The following SAP30BP variants were observed in gnomAD, a reference collection of about 807,000 sequenced individuals.
SAP30BP encodes the protein SAP30 binding protein.
SAP30BP carries 31 observed loss-of-function variants against 46.3 expected under a neutral mutation model. The ratio of observed to expected loss-of-function variants is 0.67; its 90% CI spans 0.50 to 0.90. SAP30BP has a LOEUF of 0.90. Ranked by LOEUF, SAP30BP falls within the 40% of genes least tolerant of loss-of-function variation. The pLI is 0.00. For missense variants in SAP30BP, 312 were observed against 391.0 expected (o/e 0.80, Z 1.70); for synonymous variants, 169 against 144.2 (o/e 1.17, Z -1.23).
intron 8 of SAP30BP, 79 bp from the exon 9 acceptor site, chr17:75,704,677 A>G: frequency 9.4e-7 from 1 of 1,064,074 alleles, no homozygotes; most frequent in South Asian, 1.3e-5. Context: ...GCTGAAAAGA[A>G]CGCAGGGATC....
At chr17:75,672,605 A>G (rs560781270) in intron 3 of SAP30BP, among the ~76,000 whole-genome samples, 26 of 152,162 alleles carry the variant, frequency 1.7e-4, no homozygotes, top group Non-Finnish European at 3.7e-4. Flanking sequence ...ACCCCCAAAG[A>G]AAAAGACTTA....
At chr17:75,674,284 TTTTA>T (rs937645176) in intron 3 of SAP30BP, among the ~76,000 whole-genome samples, 7 of 152,118 alleles carry the variant, frequency 4.6e-5, no homozygotes, top group East Asian at 3.9e-4. Context: ...TACATTTTAT[TTTTA>T]TTTATTTATT....
At chr17:75,687,318 C>A (rs142294682) in intron 3 of SAP30BP, among the ~76,000 whole-genome samples, 2 of 152,162 alleles carry the variant, frequency 1.3e-5, no homozygotes, top group Non-Finnish European at 2.9e-5. Flanking sequence ...GCCCAGTGTT[C>A]GGAAAGAGGA....
At chr17:75,704,855 G>A in intron 9 of SAP30BP, 41 bp downstream of exon 9, 1 of 1,480,734 alleles carries the variant, frequency 6.8e-7, no homozygotes, top group Non-Finnish European at 9.4e-7. Flanking sequence ...AGGCACATGT[G>A]GAGTGCATGG....
At position 75,668,580 on chromosome 17, in the gene SAP30BP, T is replaced by G. The variant is rs937955163; in HGVS notation, c.171T>G (p.Asp57Glu). The change falls in exon 2 of 11, where the codon GAT (aspartate) becomes GAG (glutamate). Residue 57 changes from aspartate to glutamate, a missense_variant. Physicochemically the swap from Asp to Glu is conservative, Grantham distance 45. Around this residue, in one of 2 missense-constraint regions of SAP30BP, gnomAD observed 296 missense variants for 346.6 expected, o/e 0.85. Coordinates refer to ENST00000584667, the MANE Select transcript of SAP30BP (RefSeq NM_013260.8). ...GEDDFSRLGGDEDGYEEEEDE... is the reference protein window; with the variant it reads ...GEDDFSRLGGEEDGYEEEEDE... ...ATGACTTTTCTCGTCTAGGGGGTGATGAAGATGGTTATGAAGAAGAAGAAG... is the reference window on the plus strand; with the variant it reads ...ATGACTTTTCTCGTCTAGGGGGTGAGGAAGATGGTTATGAAGAAGAAGAAG... 1.2e-6 allele frequency: 2 copies of G among 1,607,654 alleles called. No homozygotes were observed. The highest frequency in any genetic ancestry group is 4.5e-5 in the East Asian group (2 of 44,646).
intron 3 of SAP30BP, among the ~76,000 whole-genome samples, chr17:75,674,554 C>G (rs2059954791): frequency 6.6e-6 from 1 of 152,072 alleles, no homozygotes; most frequent in Non-Finnish European, 1.5e-5. Context: ...CCTCTGCCTC[C>G]CAAAGTGCTG....
intron 3 of SAP30BP, among the ~76,000 whole-genome samples, chr17:75,687,917 G>GGGGTGT (rs557349211): frequency 8.9e-4 from 107 of 120,362 alleles, no homozygotes; most frequent in African/African-American, 1.9e-3. Context: ...CAGTGTTTGG[G>GGGGTGT]GTGTGTGTGT....
chr17:75,699,662 T>A, intron 4 of SAP30BP, 121 bp from the exon 5 acceptor site: 2 of 668,774 alleles, frequency 3.0e-6, no homozygotes. Context: ...AACACTCAGT[T>A]GTACTGTTTT....
chr17:75,682,567 T>C (rs1255384242), intron 3 of SAP30BP, among the ~76,000 whole-genome samples: 1 of 152,226 alleles, frequency 6.6e-6, no homozygotes, highest in Non-Finnish European at 1.5e-5. Context: ...TGCATCCAGC[T>C]TTGTCTCTAT....
In SAP30BP at chr17:75,706,199, G is replaced by A; in HGVS notation, c.745+107G>A. On this transcript the variant is annotated intron_variant, in intron 10 of 10. Coordinates refer to ENST00000584667, the MANE Select transcript of SAP30BP (RefSeq NM_013260.8). This position sits in a 1 kb window ranked among gnomAD's most constrained non-coding sequence, Gnocchi z 4.6. Reference sequence around the variant, plus strand: ...TGGATCTGGGCCTGGGCTCAGCCTTGCTACTTTGAGAAGCACCTTTGGAGT... The same window carrying A: ...TGGATCTGGGCCTGGGCTCAGCCTTACTACTTTGAGAAGCACCTTTGGAGT... 1.9e-6 allele frequency: 3 copies of A among 1,555,942 alleles called. 1 individual carries two copies. The highest frequency in any genetic ancestry group is 3.8e-5 in the Admixed American group (2 of 52,882).
At chr17:75,690,637 C>G (rs747499582) in intron 3 of SAP30BP, 24 of 455,572 alleles carry the variant, frequency 5.3e-5, no homozygotes, top group South Asian at 3.7e-4. Context: ...ACTTTAGGAT[C>G]CAGAGAACTT....
At chr17:75,699,262 GGCGTGATCTTGGCTC>G (rs2060369047) in intron 4 of SAP30BP, among the ~76,000 whole-genome samples, 1 of 151,994 alleles carries the variant, frequency 6.6e-6, no homozygotes, top group East Asian at 1.9e-4. Context: ...GGAGTATAGT[GGCGTGATCTTGGCTC>G]ACTGCAGCCA....
rs1323093719 is a variant in SAP30BP at position 75,687,949 on chromosome 17, TGTGTGTGA to T, written c.265-5489_265-5482del. Among the ~76,000 whole-genome samples the T allele has an allele frequency of 9.7e-4, 95 of 97,450 alleles. 3 individuals are homozygous for T. Among genetic ancestry groups the T allele is most frequent in the African/African-American group, 1.9e-3 (57 of 29,516 alleles). The allele number at this position is 97,450 out of a possible 152,430, so 63.9% of individuals were successfully genotyped here. ...GTGTGTGTGTGTGTGTGTGTGTGTG[TGTGTGTGA>T]GAGAGACAGAGAGAGGTCAGTGCTT... is the stretch of plus-strand genomic sequence containing the variant. On this transcript the variant is annotated intron_variant, in intron 3 of 10. Transcript: ENST00000584667.
chr17:75,671,779 C>G, intron 2 of SAP30BP, 37 bp from the exon 3 acceptor site: 1 of 1,577,390 alleles, frequency 6.3e-7, no homozygotes, highest in Non-Finnish European at 8.7e-7. Flanking sequence ...CAGGCCCGCT[C>G]CTTTAAGCTT....
chr17:75,700,041 C>T (rs2060383791), intron 5 of SAP30BP, 170 bp downstream of exon 5: 1 of 519,126 alleles, frequency 1.9e-6, no homozygotes, highest in Non-Finnish European at 3.5e-6. Context: ...CTGTTAGCCT[C>T]ATCTCAGGAG....
intron 3 of SAP30BP, among the ~76,000 whole-genome samples, chr17:75,683,046 A>ATTTT: frequency 2.2e-5 from 1 of 46,076 alleles, no homozygotes; most frequent in Non-Finnish European, 9.0e-5. Flanking sequence ...TTATTTATTT[A>ATTTT]TTTATTTATT....
rs1258723858 is a variant in SAP30BP at position 75,706,356 on chromosome 17, G to C, written c.762G>C (p.Lys254Asn). Reference protein sequence around the residue: ...STAVADAQKRKSKWDSAIPVT... With the variant: ...STAVADAQKRNSKWDSAIPVT... ...TATCTCCAGATGCTCAGAAGAGAAA[G>C]AGCAAGTGGGATTCGGCTATCCCAG... The change falls in exon 11 of 11, where the codon AAG becomes AAC. Residue 254 changes from lysine (K) to asparagine (N), a missense_variant. Lys to Asn is a moderately conservative substitution (Grantham distance 94). Coordinates refer to ENST00000584667, the MANE Select transcript of SAP30BP (RefSeq NM_013260.8). This position sits in a 1 kb window ranked among gnomAD's most constrained non-coding sequence, Gnocchi z 4.6. The C allele has an allele frequency of 1.2e-6, 2 of 1,613,512 alleles. No individual in the cohort carries two copies. The highest frequency in any genetic ancestry group is 1.7e-6 in the Non-Finnish European group (2 of 1,179,978).
chr17:75,668,579 A>T lies in SAP30BP; in HGVS notation c.170A>T (p.Asp57Val), dbSNP rs1254539029. The stretch of plus-strand genomic sequence containing the variant: ...GATGACTTTTCTCGTCTAGGGGGTG[A>T]TGAAGATGGTTATGAAGAAGAAGAA... ...GEDDFSRLGG[D>V]EDGYEEEEDE... The change falls in exon 2 of 11, where the codon GAT becomes GTT. Residue 57 changes from aspartate to valine, a missense_variant. Asp to Val is a radical substitution (Grantham distance 152). Coordinates refer to ENST00000584667, the MANE Select transcript of SAP30BP (RefSeq NM_013260.8). The T allele has an allele frequency of 1.2e-6, 2 of 1,607,532 alleles. No individual in the cohort carries two copies. Among genetic ancestry groups the T allele is most frequent in the African/African-American group, 2.7e-5 (2 of 74,498 alleles).
chr17:75,674,745 C>T (rs1409298671), intron 3 of SAP30BP, among the ~76,000 whole-genome samples: 1 of 104,798 alleles, frequency 9.5e-6, no homozygotes. Flanking sequence ...TCTCCTCTGT[C>T]GCCTGGAGTG....
Sources: allele counts gnomAD v4.1 joint callset (sites outside exome capture counted in the v4.1 genomes callset), GRCh38; gene constraint gnomAD v4.1.1; regional missense constraint gnomAD v4.1.1; non-coding constraint Gnocchi (gnomAD v3.1); transcripts MANE v1.5; gene names NCBI Gene and HGNC (gene_info 2026-07-23, HGNC 2026-07-21).